The following LOC400499 variants were observed in gnomAD, a reference collection of about 807,000 sequenced individuals.
At chr16:11,460,756 A>T in the LOC400499 span, 1 of 1,306,848 alleles carries the variant, frequency 7.7e-7, no homozygotes, top group South Asian at 1.6e-5. Context: ...GAACCTGTCG[A>T]TGGGGAGGTG....
chr16:11,513,661 T>C, the LOC400499 span, among the ~76,000 whole-genome samples: 7 of 151,972 alleles, frequency 4.6e-5, no homozygotes, highest in African/African-American at 1.7e-4. Context: ...GAACTCCTGA[T>C]CTCAAGTTAT....
chr16:11,502,675 C>A, the LOC400499 span, among the ~76,000 whole-genome samples: 5 of 149,616 alleles, frequency 3.3e-5, no homozygotes, highest in Admixed American at 2.0e-4. Context: ...AGGGCAGTGG[C>A]GCAATCTCGG....
chr16:11,478,968 C>G, the LOC400499 span, among the ~76,000 whole-genome samples: 1 of 152,228 alleles, frequency 6.6e-6, no homozygotes, highest in South Asian at 2.1e-4. Flanking sequence ...GTGACTTCCT[C>G]TCCTTGCCTT....
the LOC400499 span, chr16:11,484,868 A>T: frequency 6.5e-5 from 26 of 398,652 alleles, no homozygotes; most frequent in African/African-American, 5.2e-4. Context: ...GGGTGTGGCC[A>T]CCTCCCTTAC....
At chr16:11,375,027 T>C in the LOC400499 span, among the ~76,000 whole-genome samples, 1 of 151,958 alleles carries the variant, frequency 6.6e-6, no homozygotes, top group East Asian at 1.9e-4. Context: ...TTTTGTACTG[T>C]AGTAGAGATG....
the LOC400499 span, chr16:11,522,239 C>T: frequency 1.3e-5 from 5 of 397,604 alleles, no homozygotes. Flanking sequence ...TGCCTGTCCC[C>T]AGCTTGGGGA....
the LOC400499 span, among the ~76,000 whole-genome samples, chr16:11,446,069 C>T: frequency 6.6e-6 from 1 of 152,160 alleles, no homozygotes; most frequent in African/African-American, 2.4e-5. Flanking sequence ...AGGTGATCTG[C>T]CCGCCTTGGC....
chr16:11,502,682 T>G, the LOC400499 span, among the ~76,000 whole-genome samples: 2 of 151,310 alleles, frequency 1.3e-5, no homozygotes, highest in African/African-American at 4.9e-5. Context: ...TGGCGCAATC[T>G]CGGCTCACGG....
the LOC400499 span, chr16:11,484,830 G>A: frequency 4.1e-5 from 16 of 392,356 alleles, no homozygotes; most frequent in Admixed American, 2.3e-4. Context: ...CGCATGAAGC[G>A]GGGTGGGCCT....
the LOC400499 span, chr16:11,475,850 C>T: frequency 7.7e-6 from 3 of 389,472 alleles, no homozygotes; most frequent in Non-Finnish European, 1.4e-5. Context: ...GCAGTGCACA[C>T]GCTGGTGTGG....
the LOC400499 span, among the ~76,000 whole-genome samples, chr16:11,429,909 A>T: frequency 6.6e-6 from 1 of 152,234 alleles, no homozygotes. Context: ...GAGAACAGAG[A>T]ATACTTACAT....
chr16:11,447,709 G>C, the LOC400499 span, among the ~76,000 whole-genome samples: 1 of 152,078 alleles, frequency 6.6e-6, no homozygotes, highest in Admixed American at 6.6e-5. Flanking sequence ...AGGATGATGA[G>C]ACTCTTAACT....
chr16:11,446,776 A>G, the LOC400499 span: 1 of 1,536,020 alleles, frequency 6.5e-7, no homozygotes, highest in African/African-American at 1.4e-5. Flanking sequence ...GCAGCCCAGG[A>G]CCATGGTCTG....
chr16:11,410,377 C>T, the LOC400499 span, among the ~76,000 whole-genome samples: 10 of 152,134 alleles, frequency 6.6e-5, no homozygotes, highest in Non-Finnish European at 1.0e-4. Context: ...TCGCTTGAAC[C>T]GGGGAGGCGG....
chr16:11,476,261 G>C, the LOC400499 span, among the ~76,000 whole-genome samples: 1 of 151,952 alleles, frequency 6.6e-6, no homozygotes, highest in Admixed American at 6.6e-5. Context: ...ATATGGGTAG[G>C]TGGGGCAGCC....
the LOC400499 span, chr16:11,515,787 G>C: frequency 2.5e-6 from 1 of 403,502 alleles, no homozygotes; most frequent in Non-Finnish European, 4.3e-6. Flanking sequence ...AGGAGGAAAA[G>C]GGAGGAGGAG....
chr16:11,452,420 G>A, the LOC400499 span, among the ~76,000 whole-genome samples: 1 of 152,136 alleles, frequency 6.6e-6, no homozygotes, highest in Non-Finnish European at 1.5e-5. Flanking sequence ...GGCTGCTGGA[G>A]GAAAGGCAGG....
At chr16:11,492,082 T>C in the LOC400499 span, among the ~76,000 whole-genome samples, 91,647 of 152,082 alleles carry the variant, frequency 0.6, 29,732 homozygotes, top group African/African-American at 0.86. Context: ...GCCTCATCAA[T>C]TCCCCAACAA....
At chr16:11,384,598 CTTCCTTTGTG>C in the LOC400499 span, among the ~76,000 whole-genome samples, 1 of 152,232 alleles carries the variant, frequency 6.6e-6, no homozygotes, top group African/African-American at 2.4e-5. Context: ...AATCCAGGCC[CTTCCTTTGTG>C]TTCCTTGGCA....
Sources: allele counts gnomAD v4.1 joint callset (sites outside exome capture counted in the v4.1 genomes callset), GRCh38; gene constraint gnomAD v4.1.1; transcripts MANE v1.5.